SYCP2: variants seen among roughly 807,000 people sequenced by gnomAD.
The protein encoded by SYCP2 is synaptonemal complex lateral element protein.
A neutral mutation model predicts 211.3 loss-of-function variants in SYCP2; 55 were observed. The observed-to-expected ratio is 0.26, with a 90% CI of 0.21 to 0.33. The LOEUF (loss-of-function observed/expected upper bound fraction) is 0.33, where lower values mean the gene tolerates loss of function less well. SYCP2 is among the 10% of genes least tolerant of loss of function. SYCP2 has a pLI of 1.00. For missense variants in SYCP2, 1,731 were observed against 1,752.0 expected (o/e 0.99, Z 0.21); for synonymous variants, 570 against 555.2 (o/e 1.03, Z -0.37).
chr20:59,904,664 C>T (rs1485662260), intron 15 of SYCP2, among the ~76,000 whole-genome samples: 1 of 152,106 alleles, frequency 6.6e-6, no homozygotes, highest in Non-Finnish European at 1.5e-5. Flanking sequence ...GAGGAAACAA[C>T]AGATCTTTTT....
intron 24 of SYCP2, among the ~76,000 whole-genome samples, chr20:59,889,687 A>T (rs2059866372): frequency 6.6e-6 from 1 of 151,966 alleles, no homozygotes; most frequent in African/African-American, 2.4e-5. Context: ...ACTTGTCTTG[A>T]TAGAAATGTA....
At chr20:59,882,213 G>T in intron 26 of SYCP2, 48 bp from the exon 27 acceptor site, 1 of 1,367,696 alleles carries the variant, frequency 7.3e-7, no homozygotes, top group Non-Finnish European at 1.0e-6. Context: ...ACAGGTATAT[G>T]AAAAAATGCT....
chr20:59,900,369 C>A, intron 17 of SYCP2, 85 bp from the exon 18 acceptor site: 1 of 1,146,970 alleles, frequency 8.7e-7, no homozygotes, highest in Non-Finnish European at 1.2e-6. Context: ...TAAGCTCCTA[C>A]TCATCTCACA....
At chr20:59,897,784 C>T (rs931188286) in intron 18 of SYCP2, among the ~76,000 whole-genome samples, 3 of 151,850 alleles carry the variant, frequency 2.0e-5, no homozygotes, top group South Asian at 2.1e-4. Context: ...CAAAGCTCCA[C>T]GAAGAAATCA....
chr20:59,881,543 A>C, intron 28 of SYCP2, 51 bp from the exon 29 acceptor site: 1 of 908,542 alleles, frequency 1.1e-6, no homozygotes, highest in Non-Finnish European at 1.6e-6. Context: ...AAAATAAAAA[A>C]GATTAAAAGG....
chr20:59,885,895 T>A (rs369462030), intron 26 of SYCP2, 33 bp downstream of exon 26: 2 of 1,543,554 alleles, frequency 1.3e-6, no homozygotes, highest in South Asian at 2.3e-5. Context: ...AGTTTGACTA[T>A]AGATTTGGTG....
chr20:59,900,672 C>T, intron 17 of SYCP2, 72 bp downstream of exon 17: 2 of 1,195,156 alleles, frequency 1.7e-6, no homozygotes, highest in East Asian at 4.8e-5. Flanking sequence ...TCCAACAACA[C>T]CTTTATTACT....
intron 18 of SYCP2, among the ~76,000 whole-genome samples, chr20:59,898,451 A>G (rs1174661262): frequency 2.0e-5 from 3 of 152,210 alleles, no homozygotes; most frequent in African/African-American, 7.2e-5. Context: ...CATCATTCTC[A>G]GCAAACTAAC....
intron 31 of SYCP2, 79 bp from the exon 32 acceptor site, chr20:59,878,124 ATATT>A: frequency 1.0e-6 from 1 of 959,120 alleles, no homozygotes; most frequent in Non-Finnish European, 1.6e-6. Context: ...TCATTTCAGC[ATATT>A]TAAATTAAAA....
At position 59,880,294 on chromosome 20, in the gene SYCP2, A is replaced by G. The variant is rs1395112506; in HGVS notation, c.2941+9T>C. ...ATTTGCAACATTTATCCAAAAGATA[A>G]TTTCTTACTTGATTTTCCACTTTTA... On this transcript the variant is annotated intron_variant, in intron 31 of 44. Transcript: ENST00000357552. 6.4e-7 allele frequency: 1 copy of G among 1,559,056 alleles called. No individual in the cohort carries two copies. The highest frequency in any genetic ancestry group is 8.7e-7 in the Non-Finnish European group (1 of 1,146,592).
chr20:59,910,361 A>G (rs1018143818), intron 14 of SYCP2, among the ~76,000 whole-genome samples: 2 of 145,372 alleles, frequency 1.4e-5, no homozygotes, highest in African/African-American at 5.1e-5. Context: ...ATACTGCTAT[A>G]GTGTAATTGC....
chr20:59,882,199 GC>G, intron 26 of SYCP2, 34 bp from the exon 27 acceptor site: 3 of 1,487,428 alleles, frequency 2.0e-6, no homozygotes, highest in Non-Finnish European at 1.9e-6. Flanking sequence ...TCATTAAATG[GC>G]TAACAGGTAT....
chr20:59,865,472 A>G, intron 43 of SYCP2, 28 bp from the exon 44 acceptor site: 1 of 1,593,922 alleles, frequency 6.3e-7, no homozygotes, highest in Non-Finnish European at 8.6e-7. Context: ...TATTTCACCC[A>G]TGAAATTTAC....
At chr20:59,910,416 T>C (rs916784501) in intron 14 of SYCP2, among the ~76,000 whole-genome samples, 3 of 124,828 alleles carry the variant, frequency 2.4e-5, no homozygotes, top group African/African-American at 3.3e-5. Flanking sequence ...AGTCTCCCAC[T>C]GTCGCCCAGG....
Position 59,875,360 on chromosome 20 carries a change from G to A in SYCP2, c.3260C>T (p.Ser1087Phe). The A allele has an allele frequency of 1.9e-6, 3 of 1,612,440 alleles. No individual in the cohort carries two copies. Among genetic ancestry groups the A allele is most frequent in the Admixed American group, 1.7e-5 (1 of 59,934 alleles). Residue 1087 changes from serine to phenylalanine, a missense_variant, in exon 34 of 45, where the codon TCT (serine) becomes TTT (phenylalanine). Physicochemically the swap from Ser to Phe is radical, Grantham distance 155 (BLOSUM62 -2). Around this residue, in one of 3 missense-constraint regions of SYCP2, gnomAD observed 1,387 missense variants for 1,351.3 expected, o/e 1.03. Transcript: ENST00000357552. ...ATCTCGTATAGCATCTTTTAGTAGAGATGAGTTTTTCCATTGTTTTGATAG... is the reference window on the plus strand; with the variant it reads ...ATCTCGTATAGCATCTTTTAGTAGAAATGAGTTTTTCCATTGTTTTGATAG... ...KELSKQWKNS[S>F]LLKDAIRDNC... is the part of the protein sequence containing the mutation.
At position 59,911,686 on chromosome 20, in the gene SYCP2, AAAGT is replaced by A. The variant is rs368335405; in HGVS notation, c.972+60_972+63del. 3.6e-3 allele frequency: 2,409 copies of A among 667,822 alleles called. 24 individuals are homozygous for A. The highest frequency in any genetic ancestry group is 0.019 in the South Asian group (550 of 28,518). 41.4% of individuals were successfully genotyped at this position (667,822 alleles called of 1,614,324 possible). A position where few individuals can be genotyped will look rare whatever the true frequency, so the allele number is the denominator to read the frequency against. On this transcript the variant is annotated intron_variant, in intron 14 of 44. Coordinates refer to ENST00000357552, the MANE Select transcript of SYCP2 (RefSeq NM_014258.4). Reference sequence around the variant, plus strand: ...AACATATAAAGAAATCCACATTCTTAAAGTAAGTAAAAATCTTATATATGCATAT... The same window carrying A: ...AACATATAAAGAAATCCACATTCTTAAAGTAAAAATCTTATATATGCATAT...
rs1161657744 is a variant in SYCP2, at chr20:59,866,491, A to G, written c.4220+4T>C. The G allele has an allele frequency of 6.2e-7, 1 of 1,603,878 alleles. No individual in the cohort carries two copies. The highest frequency in any genetic ancestry group is 2.2e-5 in the East Asian group (1 of 44,676). ...AGTTTTCAGAACAGATTTTTATTAC[A>G]GACCTAGAGTCCTGACTTTGATGAT... On this transcript the variant is annotated splice_donor_region_variant and intron_variant, in intron 40 of 44. Coordinates refer to ENST00000357552, the MANE Select transcript of SYCP2 (RefSeq NM_014258.4).
At chr20:59,909,431 T>G (rs1263257702) in intron 14 of SYCP2, among the ~76,000 whole-genome samples, 1 of 152,192 alleles carries the variant, frequency 6.6e-6, no homozygotes, top group Non-Finnish European at 1.5e-5. Flanking sequence ...ATCCCACAAT[T>G]ATTTCTCACC....
rs2059988785 is a variant in SYCP2 at position 59,895,400 on chromosome 20, A to T, written c.1665+37T>A. ...CAATACATATTTCCACAATTACTTGAAAAAATATTTTTAAAATACTTTCAA... is the reference window on the plus strand; with the variant it reads ...CAATACATATTTCCACAATTACTTGTAAAAATATTTTTAAAATACTTTCAA... On this transcript the variant is annotated intron_variant, in intron 20 of 44. Coordinates refer to ENST00000357552, the MANE Select transcript of SYCP2 (RefSeq NM_014258.4). The T allele has an allele frequency of 1.9e-6, 3 of 1,548,488 alleles. No homozygotes were observed. In the Admixed American group the frequency reaches 5.9e-5, roughly 30 times the overall value.
Sources: gnomAD v4.1 joint callset for allele counts (sites outside exome capture counted in the v4.1 genomes callset) on GRCh38, gnomAD v4.1.1 for gene constraint, gnomAD v4.1.1 regional missense constraint, MANE v1.5 for transcripts, NCBI Gene and HGNC (gene_info 2026-07-23, HGNC 2026-07-21) for gene names.